CAMSAP1: variants seen among roughly 807,000 people sequenced by gnomAD.
CAMSAP1 encodes the protein calmodulin regulated spectrin associated protein 1, also known as calmodulin-regulated spectrin-associated protein 1.
Under a neutral mutation model 143.5 loss-of-function variants are expected in CAMSAP1, and 58 were observed. The ratio of observed to expected loss-of-function variants is 0.40; its 90% confidence interval spans 0.33 to 0.50. The LOEUF is 0.50. Ranked by LOEUF, CAMSAP1 falls within the 20% of genes least tolerant of loss-of-function variation. The probability of loss-of-function intolerance (pLI) is 0.45; values close to 1 mark genes in which losing one functional copy is unlikely to be tolerated. For missense variants in CAMSAP1, 1,969 were observed against 2,115.7 expected (o/e 0.93, Z 1.36); for synonymous variants, 945 against 859.3 (o/e 1.10, Z -1.74).
rs1032701923 is a variant in CAMSAP1 at position 135,827,469 on chromosome 9, G to A, written c.1161C>T (p.Pro387=). 1.2e-5 allele frequency: 20 copies of A among 1,608,536 alleles called. No individual in the cohort carries two copies. Among genetic ancestry groups the A allele is most frequent in the Admixed American group, 3.3e-5 (2 of 59,722 alleles). ...AAGTLAELQP[P]VQLPAEGCHR... ...GACAGCCTTCCGCCGGCAGCTGCACGGGGGGCTGCAGCTCAGCCAGGGTCC... is the reference window on the plus strand; with the variant it reads ...GACAGCCTTCCGCCGGCAGCTGCACAGGGGGCTGCAGCTCAGCCAGGGTCC... The change falls in exon 8 of 17, where the codon CCC becomes CCT. Residue 387 remains proline (P), a synonymous_variant. Transcript: ENST00000389532.
intron 3 of CAMSAP1, among the ~76,000 whole-genome samples, chr9:135,875,417 G>C (rs1479399873): frequency 6.6e-6 from 1 of 151,992 alleles, no homozygotes; most frequent in African/African-American, 2.4e-5. Context: ...CACCATGTTA[G>C]GCAGGCTGGT....
chr9:135,865,782 A>G (rs72771937), intron 4 of CAMSAP1, among the ~76,000 whole-genome samples: 64 of 152,300 alleles, frequency 4.2e-4, no homozygotes, highest in Admixed American at 1.4e-3. Context: ...CCACCCACCC[A>G]GCTAACAAAT....
intron 7 of CAMSAP1, among the ~76,000 whole-genome samples, chr9:135,848,425 C>T (rs1337274499): frequency 6.6e-6 from 1 of 152,088 alleles, no homozygotes; most frequent in Non-Finnish European, 1.5e-5. Context: ...AGGTAACCAC[C>T]ACTCGGGTCC....
Position 135,865,095 on chromosome 9 carries a change from A to G in CAMSAP1, c.666+1361T>C, listed in dbSNP as rs1048491216. Among the ~76,000 whole-genome samples, 11 of 152,318 alleles carry G rather than the reference A, an allele frequency of 7.2e-5. No homozygotes were observed. The South Asian group carries it at 1.2e-3, about 17-fold the overall frequency. ...TCATTACGTGCACGTTGATCACTTA[A>G]AGAAGTAACTAGGAAACTGGGCGAA... On this transcript the variant is annotated intron_variant, in intron 4 of 16. Coordinates refer to ENST00000389532, the MANE Select transcript of CAMSAP1 (RefSeq NM_015447.4).
At chr9:135,840,176 G>C (rs541307842) in intron 7 of CAMSAP1, among the ~76,000 whole-genome samples, 149 of 152,306 alleles carry the variant, frequency 9.8e-4, no homozygotes, top group Admixed American at 2.0e-3. Flanking sequence ...CCTGGCCATA[G>C]GGTTTCAGCA....
At position 135,818,315 on chromosome 9, in the gene CAMSAP1, C is replaced by G. The variant is rs557477960; in HGVS notation, c.4168+93G>C. 163 of 1,363,400 alleles carry G rather than the reference C, an allele frequency of 1.2e-4. No individual in the cohort carries two copies. In the East Asian group the frequency reaches 4.0e-3, roughly 33 times the overall value. 84.5% of individuals were successfully genotyped at this position (1,363,400 alleles called of 1,614,324 possible). A position where few individuals can be genotyped will look rare whatever the true frequency, so the allele number is the denominator to read the frequency against. On this transcript the variant is annotated intron_variant, in intron 13 of 16. Transcript: ENST00000389532. This position sits in a 1 kb window ranked among gnomAD's most constrained non-coding sequence, Gnocchi z 7.7. ...CATCTCCACCCTTCCCGCCTCACAC[C>G]ACTCTTGATGACAAAATTGAAATGA...
At chr9:135,894,012 G>A (rs142448204) in intron 1 of CAMSAP1, among the ~76,000 whole-genome samples, 1 of 152,248 alleles carries the variant, frequency 6.6e-6, no homozygotes, top group Non-Finnish European at 1.5e-5. Flanking sequence ...CACCCAACGG[G>A]AGGTGACACA....
At chr9:135,851,981 C>A (rs900102779) in intron 5 of CAMSAP1, among the ~76,000 whole-genome samples, 1 of 152,222 alleles carries the variant, frequency 6.6e-6, no homozygotes, top group Non-Finnish European at 1.5e-5. Flanking sequence ...TCCAGTCCCA[C>A]CCACAGCACT....
At chr9:135,888,760 C>T (rs896869788) in intron 1 of CAMSAP1, among the ~76,000 whole-genome samples, 4 of 152,218 alleles carry the variant, frequency 2.6e-5, no homozygotes, top group African/African-American at 9.7e-5. Flanking sequence ...TAAAAGCGAC[C>T]AGTAGTCCAC....
intron 3 of CAMSAP1, among the ~76,000 whole-genome samples, chr9:135,871,131 CTCTAGCAAGCCAGAT>C (rs1837557702): frequency 6.6e-6 from 1 of 152,176 alleles, no homozygotes; most frequent in African/African-American, 2.4e-5. Flanking sequence ...ATCAGCTATC[CTCTAGCAAGCCAGAT>C]AGTAAGACAC....
At chr9:135,879,373 C>G (rs778193113) in intron 3 of CAMSAP1, among the ~76,000 whole-genome samples, 1 of 151,884 alleles carries the variant, frequency 6.6e-6, no homozygotes, top group African/African-American at 2.4e-5. Flanking sequence ...GAAACGTGAC[C>G]AAGCAGGGGA....
chr9:135,843,452 C>G lies in CAMSAP1; in HGVS notation c.1045+6685G>C, dbSNP rs188857377. ...AATAAAGGGATGGAGGAACATTTAC[C>G]AAGCAAATGGAAAGCAAAAAAGAAG... On this transcript the variant is annotated intron_variant, in intron 7 of 16. Transcript: ENST00000389532. 3.0e-4 allele frequency among the ~76,000 whole-genome samples: 45 copies of G among 151,972 alleles called. 1 individual carries two copies. The East Asian group carries it at 5.0e-3, about 17-fold the overall frequency.
At chr9:135,875,449 G>C (rs1218947354) in intron 3 of CAMSAP1, among the ~76,000 whole-genome samples, 2 of 152,092 alleles carry the variant, frequency 1.3e-5, no homozygotes, top group Non-Finnish European at 2.9e-5. Flanking sequence ...GACCTCAAGT[G>C]ACCCACCCGC....
chr9:135,852,216 A>T (rs1470108389), intron 5 of CAMSAP1, among the ~76,000 whole-genome samples: 2 of 152,034 alleles, frequency 1.3e-5, no homozygotes, highest in Non-Finnish European at 2.9e-5. Context: ...TTCTTTCTGG[A>T]TTGTGGTTAC....
In CAMSAP1 at chr9:135,824,669, AC is replaced by A. The variant is rs764475612; in HGVS notation, c.1315+119del. On this transcript the variant is annotated intron_variant, in intron 9 of 16. Transcript: ENST00000389532. The surrounding 1 kb of genome is among the most constrained non-coding windows in gnomAD (Gnocchi z 4.1). ...ACAGAGCAAGACTCCATCTCAAAAA[AC>A]AAACAAACAAACAAAAAAATCACTA... 70 of 768,908 alleles carry A rather than the reference AC, an allele frequency of 9.1e-5. No homozygotes were observed. The highest frequency in any genetic ancestry group is 1.2e-4 in the Non-Finnish European group (62 of 502,540). 47.6% of individuals were successfully genotyped at this position (768,908 alleles called of 1,614,324 possible).
At chr9:135,874,041 T>C (rs1173198268) in intron 3 of CAMSAP1, among the ~76,000 whole-genome samples, 1 of 152,192 alleles carries the variant, frequency 6.6e-6, no homozygotes, top group Non-Finnish European at 1.5e-5. Context: ...GTGTTTGTCC[T>C]GGGGATGAAA....
intron 1 of CAMSAP1, among the ~76,000 whole-genome samples, chr9:135,883,908 G>A (rs954773439): frequency 2.0e-5 from 3 of 152,096 alleles, no homozygotes; most frequent in Admixed American, 6.5e-5. Flanking sequence ...AACATACGCC[G>A]CCTCCCACAC....
At chr9:135,868,758 A>G (rs1369143386) in intron 3 of CAMSAP1, among the ~76,000 whole-genome samples, 1 of 151,710 alleles carries the variant, frequency 6.6e-6, no homozygotes, top group Non-Finnish European at 1.5e-5. Context: ...TTGGGACTAC[A>G]GGCGCCCACC....
rs559719964 is a variant in CAMSAP1, at chr9:135,881,809, A to T, written c.424-15T>A. 27 of 1,551,782 alleles carry T rather than the reference A, an allele frequency of 1.7e-5. No individual in the cohort carries two copies. In the South Asian group the frequency reaches 3.1e-4, roughly 18 times the overall value. On this transcript the variant is annotated splice_polypyrimidine_tract_variant and intron_variant, in intron 2 of 16. Transcript: ENST00000389532. ...ATGTGGGCACTCTAGGGGCAGAGGCAGCAGCTATAATCCCTCAAACCCACC... is the reference window on the plus strand; with the variant it reads ...ATGTGGGCACTCTAGGGGCAGAGGCTGCAGCTATAATCCCTCAAACCCACC...
Sources: allele counts gnomAD v4.1 joint callset (sites outside exome capture counted in the v4.1 genomes callset), GRCh38; gene constraint gnomAD v4.1.1; non-coding constraint Gnocchi (gnomAD v3.1); transcripts MANE v1.5; gene names NCBI Gene and HGNC (gene_info 2026-07-23, HGNC 2026-07-21).